The following CHMP4C variants were observed in gnomAD, a reference collection of about 807,000 sequenced individuals.
CHMP4C encodes the protein SNF7 homolog associated with Alix 3.
In CHMP4C, 28 loss-of-function variants were observed where a neutral mutation model predicts 29.0. The ratio of observed to expected loss-of-function variants is 0.97; its 90% CI spans 0.72 to 1.32. CHMP4C has a LOEUF of 1.32. Among genes scored for constraint, CHMP4C ranks in the 40% most tolerant of loss-of-function variants. The pLI is 0.00. For missense variants in CHMP4C, 291 were observed against 281.0 expected, an observed-to-expected ratio of 1.04 and a Z score of -0.25; for synonymous variants, 106 against 102.4, an observed-to-expected ratio of 1.04 and a Z score of -0.21.
intron 1 of CHMP4C, among the ~76,000 whole-genome samples, chr8:81,738,827 C>T (rs116788352): frequency 8.8e-4 from 134 of 152,298 alleles, no homozygotes; most frequent in African/African-American, 3.0e-3. Context: ...TTATTTCACT[C>T]ATAAGTATTC....
intron 1 of CHMP4C, among the ~76,000 whole-genome samples, chr8:81,742,680 C>T (rs2130480857): frequency 6.6e-6 from 1 of 152,210 alleles, no homozygotes; most frequent in East Asian, 1.9e-4. Flanking sequence ...GTGCTATTTA[C>T]ATTATCATTT....
At chr8:81,752,725 A>T (rs1808918801) in intron 1 of CHMP4C, among the ~76,000 whole-genome samples, 1 of 152,164 alleles carries the variant, frequency 6.6e-6, no homozygotes, top group Non-Finnish European at 1.5e-5. Flanking sequence ...TTACTTTTCT[A>T]TTGTATGATT....
chr8:81,747,377 T>C (rs1163619845), intron 1 of CHMP4C, among the ~76,000 whole-genome samples: 1 of 150,472 alleles, frequency 6.6e-6, no homozygotes, highest in Non-Finnish European at 1.5e-5. Flanking sequence ...TTAGGGTCAA[T>C]GGGTACCCGT....
chr8:81,732,851 TC>T (rs1808636850), intron 1 of CHMP4C, 35 bp downstream of exon 1: 4 of 1,585,302 alleles, frequency 2.5e-6, no homozygotes, highest in Non-Finnish European at 3.4e-6. Flanking sequence ...CGGGAGCCCA[TC>T]TGCCTCTAGC....
chr8:81,748,260 T>C (rs934853141), intron 1 of CHMP4C, among the ~76,000 whole-genome samples: 1 of 152,210 alleles, frequency 6.6e-6, no homozygotes, highest in African/African-American at 2.4e-5. Context: ...AGATTTCATA[T>C]TACACAAACA....
chr8:81,736,150 G>A (rs1176271151), intron 1 of CHMP4C, among the ~76,000 whole-genome samples: 4 of 150,562 alleles, frequency 2.7e-5, no homozygotes, highest in Admixed American at 6.6e-5. Context: ...TGTTAGAAAC[G>A]GGATCTCACT....
intron 1 of CHMP4C, among the ~76,000 whole-genome samples, chr8:81,739,358 G>A (rs1808732536): frequency 1.6e-5 from 2 of 128,176 alleles, no homozygotes; most frequent in African/African-American, 6.0e-5. Context: ...ATTTCTTTGT[G>A]TGCCTTTGAT....
At chr8:81,736,254 C>T (rs1808690004) in intron 1 of CHMP4C, among the ~76,000 whole-genome samples, 1 of 151,896 alleles carries the variant, frequency 6.6e-6, no homozygotes, top group Non-Finnish European at 1.5e-5. Flanking sequence ...CTCCGAGACC[C>T]AAGTGATCCT....
intron 1 of CHMP4C, among the ~76,000 whole-genome samples, chr8:81,741,686 T>C (rs1051486939): frequency 4.6e-5 from 7 of 152,200 alleles, no homozygotes; most frequent in Admixed American, 6.5e-5. Flanking sequence ...ATTTGTACTT[T>C]TAAGGAATAA....
rs1002117349 is a variant in CHMP4C at position 81,758,647 on chromosome 8, T to C, written c.*103T>C. 3.8e-6 allele frequency: 3 copies of C among 779,502 alleles called. No individual in the cohort carries two copies. Among genetic ancestry groups the C allele is most frequent in the African/African-American group, 1.8e-5 (1 of 56,722 alleles). 48.3% of individuals were successfully genotyped at this position (779,502 alleles called of 1,614,324 possible). Reference sequence around the variant, plus strand: ...TAACAAAGACTCTGCTTTATAATTATATTGAATGAATAATTGTGTTTTAAG... The same window carrying C: ...TAACAAAGACTCTGCTTTATAATTACATTGAATGAATAATTGTGTTTTAAG... On this transcript the variant is annotated 3_prime_UTR_variant, in exon 5 of 5. Transcript: ENST00000297265.
chr8:81,744,454 G>A (rs140687656), intron 1 of CHMP4C, among the ~76,000 whole-genome samples: 2 of 152,248 alleles, frequency 1.3e-5, no homozygotes, highest in African/African-American at 2.4e-5. Flanking sequence ...AAGAAATGTA[G>A]CCATATTTCT....
In CHMP4C at chr8:81,758,159, A is replaced by C. The variant is rs1361188669; in HGVS notation, c.501A>C (p.Glu167Asp). 5.6e-6 allele frequency: 9 copies of C among 1,613,854 alleles called. No homozygotes were observed. Among genetic ancestry groups the C allele is most frequent in the Non-Finnish European group, 7.6e-6 (9 of 1,179,894 alleles). ...DDFDEDELMA[E>D]LEELEQEELN... ...GTGTTCAGGATGAGTTGATGGCAGAACTTGAAGAATTGGAACAGGAGGAAT... is the reference window on the plus strand; with the variant it reads ...GTGTTCAGGATGAGTTGATGGCAGACCTTGAAGAATTGGAACAGGAGGAAT... The change falls in exon 4 of 5, where the codon GAA becomes GAC. Residue 167 changes from glutamate (E) to aspartate (D), a missense_variant. Glu to Asp is a conservative substitution (Grantham distance 45). Coordinates refer to ENST00000297265, the MANE Select transcript of CHMP4C (RefSeq NM_152284.4).
chr8:81,748,795 C>T lies in CHMP4C; in HGVS notation c.191-4269C>T, dbSNP rs1024984266. Among the ~76,000 whole-genome samples, 8 of 151,884 alleles carry T rather than the reference C, an allele frequency of 5.3e-5. No individual in the cohort carries two copies. The South Asian group carries it at 6.2e-4, about 12-fold the overall frequency. ...ACAAAAAATTAGCTTGTCATAGTGGCGCATGCCTGTAGTCCCAGCTACTTG... is the reference window on the plus strand; with the variant it reads ...ACAAAAAATTAGCTTGTCATAGTGGTGCATGCCTGTAGTCCCAGCTACTTG... On this transcript the variant is annotated intron_variant, in intron 1 of 4. Coordinates refer to ENST00000297265, the MANE Select transcript of CHMP4C (RefSeq NM_152284.4).
rs113630154 is a variant in CHMP4C at position 81,736,715 on chromosome 8, T to C, written c.190+3899T>C. Among the ~76,000 whole-genome samples the C allele has an allele frequency of 1.6e-3, 246 of 152,316 alleles. 4 individuals are homozygous for C. Among genetic ancestry groups the C allele is most frequent in the African/African-American group, 5.7e-3 (239 of 41,584 alleles). ...ACATTGCTGTCTTCCTCAGTGAGCCTTTCATGCAGGGTGAATTGGAGCACC... is the reference window on the plus strand; with the variant it reads ...ACATTGCTGTCTTCCTCAGTGAGCCCTTCATGCAGGGTGAATTGGAGCACC... On this transcript the variant is annotated intron_variant, in intron 1 of 4. Transcript: ENST00000297265.
intron 1 of CHMP4C, among the ~76,000 whole-genome samples, chr8:81,752,758 CT>C (rs1808919555): frequency 6.6e-6 from 1 of 152,064 alleles, no homozygotes; most frequent in South Asian, 2.1e-4. Flanking sequence ...TTTATCTATC[CT>C]TTTCTAAAAT....
chr8:81,755,509 C>A (rs1300232822), intron 3 of CHMP4C, 25 bp downstream of exon 3: 2 of 1,382,392 alleles, frequency 1.4e-6, no homozygotes, highest in South Asian at 2.3e-5. Context: ...ATGAAGAATG[C>A]AGGATTGTGG....
rs1729261985 is a variant in CHMP4C, at chr8:81,732,769, A to G, written c.143A>G (p.Gln48Arg). ...KKQEYLENRI[Q>R]REIALAKKHG... is the part of the protein sequence containing the mutation. ...CAAGAGTACCTGGAAAATCGAATCC[A>G]GAGAGAAATCGCCCTGGCCAAGAAG... The change falls in exon 1 of 5, where the codon CAG (glutamine) becomes CGG (arginine). Residue 48 changes from glutamine (Q) to arginine (R), a missense_variant. Transcript: ENST00000297265. 6.2e-7 allele frequency: 1 copy of G among 1,611,968 alleles called. No individual in the cohort carries two copies. The highest frequency in any genetic ancestry group is 8.5e-7 in the Non-Finnish European group (1 of 1,179,164).
At chr8:81,754,014 G>A (rs898580224) in intron 2 of CHMP4C, among the ~76,000 whole-genome samples, 14 of 152,238 alleles carry the variant, frequency 9.2e-5, no homozygotes, top group African/African-American at 3.4e-4. Context: ...GGATGTGATA[G>A]TGGAACCTGG....
At chr8:81,744,905 G>A (rs934723251) in intron 1 of CHMP4C, among the ~76,000 whole-genome samples, 6 of 152,152 alleles carry the variant, frequency 3.9e-5, no homozygotes, top group Non-Finnish European at 8.8e-5. Flanking sequence ...TTTTTTAAAA[G>A]TAAAGACGTT....
Sources: allele counts gnomAD v4.1 joint callset (sites outside exome capture counted in the v4.1 genomes callset), GRCh38; gene constraint gnomAD v4.1.1; transcripts MANE v1.5; gene names NCBI Gene and HGNC (gene_info 2026-07-23, HGNC 2026-07-21).